Variants in TP53BP1 observed in about 807,000 individuals in gnomAD.
TP53BP1 encodes tumor protein p53 binding protein 1.
TP53BP1 carries 61 observed loss-of-function variants against 200.8 expected under a neutral mutation model. The ratio of observed to expected loss-of-function variants is 0.30; its 90% CI spans 0.25 to 0.38. The LOEUF is 0.38. TP53BP1 is among the 10% of genes least tolerant of loss of function. TP53BP1 has a pLI of 1.00. For missense variants in TP53BP1, 2,144 were observed against 2,371.9 expected (o/e 0.90, Z 2.00); for synonymous variants, 822 against 844.3 (o/e 0.97, Z 0.46).
intron 21 of TP53BP1, chr15:43,416,735 T>G: frequency 4.6e-6 from 1 of 215,504 alleles, no homozygotes; most frequent in Non-Finnish European, 9.1e-6. Flanking sequence ...GGCATGTGGT[T>G]TCCTAACAAT....
intron 11 of TP53BP1, among the ~76,000 whole-genome samples, chr15:43,468,173 C>T (rs2046636023): frequency 6.6e-6 from 1 of 151,940 alleles, no homozygotes; most frequent in African/African-American, 2.4e-5. Flanking sequence ...GCTCCTCCCA[C>T]CTCAATCTCC....
upstream of TP53BP1, among the ~76,000 whole-genome samples, chr15:43,495,905 TA>T (rs893184730): frequency 6.6e-6 from 1 of 151,750 alleles, no homozygotes; most frequent in Non-Finnish European, 1.5e-5. Context: ...ACAAGAATCT[TA>T]AAAAAAACTG....
At chr15:43,506,072 A>G (rs1446750615) in intron 1 of TP53BP1, among the ~76,000 whole-genome samples, 1 of 151,538 alleles carries the variant, frequency 6.6e-6, no homozygotes, top group South Asian at 2.1e-4. Flanking sequence ...AACTAATGAC[A>G]TTCATCAGGC....
At chr15:43,467,527 A>AT (rs5812249) in intron 11 of TP53BP1, among the ~76,000 whole-genome samples, 42,801 of 151,914 alleles carry the variant, frequency 0.28, 10,219 homozygotes, top group African/African-American at 0.65. Context: ...TTCATTGCTG[A>AT]TTTTTTAGCT....
At chr15:43,494,130 C>G (rs990159475), upstream of TP53BP1, among the ~76,000 whole-genome samples, 3 of 152,106 alleles carry the variant, frequency 2.0e-5, no homozygotes, top group East Asian at 5.8e-4. Context: ...GCAGTTGGAT[C>G]CAGGATAGAA....
intron 19 of TP53BP1, 100 bp downstream of exon 19, chr15:43,421,755 G>A: frequency 1.4e-6 from 2 of 1,469,044 alleles, no homozygotes; most frequent in Non-Finnish European, 1.9e-6. Flanking sequence ...CTTTAATGGA[G>A]GATGGGGGAT....
chr15:43,407,835 A>T, intron 27 of TP53BP1, 108 bp downstream of exon 27: 1 of 1,163,532 alleles, frequency 8.6e-7, no homozygotes, highest in Non-Finnish European at 1.2e-6. Flanking sequence ...TCTAAGAAAC[A>T]TGGATACGGT....
In TP53BP1 at chr15:43,403,499, T is replaced by C. The variant is rs1166557207; in HGVS notation, c.*3884A>G. 1.8e-6 allele frequency: 1 copy of C among 551,648 alleles called. No individual in the cohort carries two copies. The highest frequency in any genetic ancestry group is 3.1e-5 in the East Asian group (1 of 32,730). 34.2% of individuals were successfully genotyped at this position (551,648 alleles called of 1,614,324 possible). On this transcript the variant is annotated 3_prime_UTR_variant, in exon 28 of 28. Transcript: ENST00000382044. ...CTCGCTTAGCCAGGAAAGGATGCATTTGTTTTACGCATTTTGTGCGTCTGA... is the reference window on the plus strand; with the variant it reads ...CTCGCTTAGCCAGGAAAGGATGCATCTGTTTTACGCATTTTGTGCGTCTGA...
Position 43,419,536 on chromosome 15 carries a change from CTTTTTT to C in TP53BP1, c.4681+763_4681+768del, listed in dbSNP as rs34159488. 1.8e-4 allele frequency among the ~76,000 whole-genome samples: 13 copies of C among 73,424 alleles called. No individual in the cohort carries two copies. In the East Asian group the frequency reaches 4.9e-3, roughly 28 times the overall value. The allele number at this position is 73,424 out of a possible 152,430, so 48.2% of individuals were successfully genotyped here. ...CCCCATGCCCAGCTAATTTATGTTC[CTTTTTT>C]TTTTTTTTTTTTTTTTTTTTTTGAG... On this transcript the variant is annotated intron_variant, in intron 21 of 27. Coordinates refer to ENST00000382044, the MANE Select transcript of TP53BP1 (RefSeq NM_001141980.3).
At chr15:43,450,937 C>A (rs1476449580) in intron 12 of TP53BP1, among the ~76,000 whole-genome samples, 1 of 152,166 alleles carries the variant, frequency 6.6e-6, no homozygotes, top group Non-Finnish European at 1.5e-5. Context: ...TGCAGTGGTG[C>A]AATCTCAGCT....
chr15:43,455,900 C>T lies in TP53BP1; in HGVS notation c.2708G>A (p.Ser903Asn). 6.2e-7 allele frequency: 1 copy of T among 1,614,030 alleles called. No individual in the cohort carries two copies. Among genetic ancestry groups the T allele is most frequent in the Non-Finnish European group, 8.5e-7 (1 of 1,179,998 alleles). ...TCTACAATCACACTCACCACTAGAA[C>T]TTTCACAGAAGCTTTGTGAGGCATG... ...SAHASQSFCE[S>N]SSETPFHFTL... Residue 903 changes from serine (S) to asparagine (N), a missense_variant, in exon 12 of 28, where the codon AGT becomes AAT. By Grantham distance (46) the Ser-to-Asn change is conservative. Transcript: ENST00000382044.
chr15:43,477,638 C>A lies in TP53BP1; in HGVS notation c.910G>T (p.Val304Phe), dbSNP rs745648466. ...AACAAGTCTTCCTGAGTTGACAAAA[C>A]CTCAGGCTCTGGTGACTTCTGAATC... ...LQIQKSPEPE[V>F]LSTQEDLFDQ... Residue 304 changes from valine (V) to phenylalanine (F), a missense_variant, in exon 8 of 28, where the codon GTT becomes TTT. Around this residue, in one of 4 missense-constraint regions of TP53BP1, gnomAD observed 1,700 missense variants for 1,710.3 expected, o/e 0.99. Transcript: ENST00000382044. 9.9e-6 allele frequency: 16 copies of A among 1,613,806 alleles called. No individual in the cohort carries two copies. Among genetic ancestry groups the A allele is most frequent in the Non-Finnish European group, 8.5e-6 (10 of 1,179,902 alleles).
chr15:43,440,925 C>G (rs1251294933), intron 15 of TP53BP1, among the ~76,000 whole-genome samples: 3 of 152,078 alleles, frequency 2.0e-5, no homozygotes, highest in Non-Finnish European at 2.9e-5. Flanking sequence ...GAATTCTTGC[C>G]TATGTTTCAC....
rs1048972918 is a variant in TP53BP1 at position 43,492,327 on chromosome 15, C to T, written c.149G>A (p.Arg50Gln). 5.0e-6 allele frequency: 8 copies of T among 1,614,060 alleles called. No homozygotes were observed. The highest frequency in any genetic ancestry group is 5.1e-6 in the Non-Finnish European group (6 of 1,180,014). The change falls in exon 2 of 28, where the codon CGA becomes CAA. Residue 50 changes from arginine (R) to glutamine (Q), a missense_variant. Arg to Gln is a conservative substitution (Grantham distance 43, BLOSUM62 1). This residue lies in a region of TP53BP1 where 1,700 missense variants were observed against 1,710.3 expected (regional missense o/e 0.99). Transcript: ENST00000382044. ...GTGCGTCTGGAGATTAGGAAGGTGT[C>T]GAGATAGCATACTGAAGTGAGAACC... ...DSGSHFSMLS[R>Q]HLPNLQTHKE...
intron 12 of TP53BP1, among the ~76,000 whole-genome samples, chr15:43,449,121 T>C (rs968418989): frequency 6.6e-6 from 1 of 151,922 alleles, no homozygotes; most frequent in Admixed American, 6.6e-5. Context: ...AGCGAGACCG[T>C]GCCTCAAAAA....
chr15:43,421,359 G>A (rs1232402138), intron 19 of TP53BP1, among the ~76,000 whole-genome samples, 185 bp from the exon 20 acceptor site: 1 of 152,126 alleles, frequency 6.6e-6, no homozygotes, highest in East Asian at 1.9e-4. Flanking sequence ...GGGATAACAA[G>A]TAAAGGACAT....
chr15:43,462,266 T>C (rs1281831093), intron 11 of TP53BP1, among the ~76,000 whole-genome samples: 1 of 145,096 alleles, frequency 6.9e-6, no homozygotes, highest in Non-Finnish European at 1.5e-5. Flanking sequence ...TAAGAGTTGT[T>C]ATTTCTGAGG....
chr15:43,404,568 G>A lies in TP53BP1; in HGVS notation c.*2815C>T, dbSNP rs140067398. Reference sequence around the variant, plus strand: ...CTCTGGGCAGGTAGGAGCAACCCTTGGGTAACTCAGTAGACTTTTTAAGGT... The same window carrying A: ...CTCTGGGCAGGTAGGAGCAACCCTTAGGTAACTCAGTAGACTTTTTAAGGT... On this transcript the variant is annotated 3_prime_UTR_variant, in exon 28 of 28. Transcript: ENST00000382044. 1.9e-6 allele frequency: 3 copies of A among 1,613,018 alleles called. No individual in the cohort carries two copies. The highest frequency in any genetic ancestry group is 1.7e-4 in the Middle Eastern group (1 of 6,050).
Position 43,405,423 on chromosome 15 carries a change from A to C in TP53BP1, c.*1960T>G, listed in dbSNP as rs1018938766. The C allele has an allele frequency of 3.3e-6, 2 of 606,742 alleles. No individual in the cohort carries two copies. Among genetic ancestry groups the C allele is most frequent in the African/African-American group, 3.7e-5 (2 of 53,998 alleles). 37.6% of individuals were successfully genotyped at this position (606,742 alleles called of 1,614,324 possible). On this transcript the variant is annotated 3_prime_UTR_variant, in exon 28 of 28. Transcript: ENST00000382044. ...GGAAGGGTCTCTCCCATCAAGGAGA[A>C]CATGTGGCATCTCTGATCCTTTACA...
Sources: allele counts gnomAD v4.1 joint callset (sites outside exome capture counted in the v4.1 genomes callset), GRCh38; gene constraint gnomAD v4.1.1; regional missense constraint gnomAD v4.1.1; transcripts MANE v1.5; gene names NCBI Gene and HGNC (gene_info 2026-07-23, HGNC 2026-07-21).